USH2A: variants seen among roughly 807,000 people sequenced by gnomAD.
The protein encoded by USH2A is usherin, also known as Usher syndrome 2A (autosomal recessive, mild).
In USH2A, 443 loss-of-function variants were observed where a neutral mutation model predicts 538.9. The ratio of observed to expected loss-of-function variants is 0.82; its 90% CI spans 0.76 to 0.89. The LOEUF (loss-of-function observed/expected upper bound fraction) is 0.89, where lower values mean the gene tolerates loss of function less well. Among genes scored for constraint, USH2A ranks in the 40% least tolerant of loss-of-function variants. The pLI is 0.00. For missense variants in USH2A, 6,633 were observed against 6,324.8 expected (o/e 1.05, Z -1.65); for synonymous variants, 2,413 against 2,273.5 (o/e 1.06, Z -1.75).
At chr1:216,149,753 T>C (rs1488133960) in intron 21 of USH2A, among the ~76,000 whole-genome samples, 1 of 152,144 alleles carries the variant, frequency 6.6e-6, no homozygotes, top group African/African-American at 2.4e-5. Flanking sequence ...ACAACCTAGC[T>C]GGACGATCAG....
intron 61 of USH2A, among the ~76,000 whole-genome samples, chr1:215,684,527 C>T (rs1240709186): frequency 6.6e-6 from 1 of 152,170 alleles, no homozygotes; most frequent in African/African-American, 2.4e-5. Context: ...CAGAGCTTTC[C>T]CTCTGGTCTT....
chr1:216,377,939 A>T (rs1343709987), intron 3 of USH2A, among the ~76,000 whole-genome samples: 1 of 151,206 alleles, frequency 6.6e-6, no homozygotes, highest in African/African-American at 2.4e-5. Flanking sequence ...AAAGAAAGAG[A>T]AGGAGAGAGG....
intron 20 of USH2A, among the ~76,000 whole-genome samples, chr1:216,187,345 C>T (rs2034629397): frequency 6.6e-6 from 1 of 151,756 alleles, no homozygotes; most frequent in African/African-American, 2.4e-5. Context: ...ATAGTAAGCC[C>T]TCAAGAGATG....
chr1:215,901,200 G>T, intron 38 of USH2A: 1 of 424,480 alleles, frequency 2.4e-6, no homozygotes, highest in East Asian at 5.1e-5. Flanking sequence ...AACATGGAGG[G>T]AATTTAGTGA....
chr1:216,259,911 GA>G (rs1470926099), intron 11 of USH2A, among the ~76,000 whole-genome samples: 19 of 151,494 alleles, frequency 1.3e-4, no homozygotes, highest in African/African-American at 4.1e-4. Flanking sequence ...TTTCAAAGAC[GA>G]AAAATGAAAT....
chr1:215,809,398 G>C (rs1162067102), intron 49 of USH2A, among the ~76,000 whole-genome samples: 1 of 151,522 alleles, frequency 6.6e-6, no homozygotes, highest in Non-Finnish European at 1.5e-5. Flanking sequence ...AGATATTTTA[G>C]CTATGTCTTT....
At chr1:215,972,761 A>G (rs1427791853) in intron 35 of USH2A, among the ~76,000 whole-genome samples, 1 of 151,848 alleles carries the variant, frequency 6.6e-6, no homozygotes, top group African/African-American at 2.4e-5. Flanking sequence ...CTTTTATTTT[A>G]CTCTCAGGTA....
At chr1:216,047,742 A>C (rs1485718668) in intron 31 of USH2A, among the ~76,000 whole-genome samples, 1 of 152,190 alleles carries the variant, frequency 6.6e-6, no homozygotes, top group Admixed American at 6.5e-5. Context: ...CCTAAAGATC[A>C]AGCGTTTAAA....
intron 32 of USH2A, among the ~76,000 whole-genome samples, chr1:216,037,809 T>TC (rs1277259648): frequency 6.7e-6 from 1 of 149,170 alleles, no homozygotes; most frequent in South Asian, 2.1e-4. Flanking sequence ...ACCCATTAGT[T>TC]TTTTTTTTTT....
chr1:216,125,863 C>A (rs954572552), intron 21 of USH2A, among the ~76,000 whole-genome samples: 1 of 152,146 alleles, frequency 6.6e-6, no homozygotes, highest in East Asian at 1.9e-4. Context: ...TCCTTAATTC[C>A]TTAATTCAAT....
intron 32 of USH2A, among the ~76,000 whole-genome samples, chr1:216,026,248 C>T (rs1329239269): frequency 6.6e-6 from 1 of 152,068 alleles, no homozygotes; most frequent in Admixed American, 6.6e-5. Flanking sequence ...AAATATGCAC[C>T]AACCTTGTGG....
chr1:216,014,972 TC>T (rs1363525246), intron 32 of USH2A, among the ~76,000 whole-genome samples: 1 of 152,222 alleles, frequency 6.6e-6, no homozygotes, highest in Non-Finnish European at 1.5e-5. Context: ...GTTTCTACCA[TC>T]AGAAAATTAC....
intron 38 of USH2A, among the ~76,000 whole-genome samples, chr1:215,916,648 A>G (rs921630537): frequency 7.2e-5 from 11 of 152,264 alleles, no homozygotes; most frequent in African/African-American, 2.4e-4. Flanking sequence ...TCCCATGTTC[A>G]CTAAGAATGC....
chr1:215,708,979 T>G (rs1659261539), intron 61 of USH2A, among the ~76,000 whole-genome samples: 2 of 152,174 alleles, frequency 1.3e-5, no homozygotes, highest in Admixed American at 1.3e-4. Context: ...AAATTTATGA[T>G]TCAAATATAA....
At chr1:215,953,021 C>A (rs909322430) in intron 37 of USH2A, among the ~76,000 whole-genome samples, 47 of 152,156 alleles carry the variant, frequency 3.1e-4, no homozygotes, top group African/African-American at 1.1e-3. Flanking sequence ...CGTGAAGGAC[C>A]TCTTCAAGGA....
rs766147699 is a variant in USH2A, at chr1:216,246,572, A to T, written c.2809+13T>A. On this transcript the variant is annotated intron_variant, in intron 13 of 71. Coordinates refer to ENST00000307340, the MANE Select transcript of USH2A (RefSeq NM_206933.4). ...TCATTGTGCACTGAAAATGTAATAC[A>T]TTTCTTTCTTACCTGGTTGACACTG... The T allele has an allele frequency of 1.9e-6, 3 of 1,613,964 alleles. No homozygotes were observed. In the Admixed American group the frequency reaches 5.0e-5, roughly 27 times the overall value.
chr1:216,416,352 C>A (rs1048357798), intron 3 of USH2A, among the ~76,000 whole-genome samples: 2 of 151,992 alleles, frequency 1.3e-5, no homozygotes, highest in Non-Finnish European at 2.9e-5. Flanking sequence ...TTAATAAGTG[C>A]TAGATGATTA....
At chr1:216,003,777 C>G (rs1480624755) in intron 32 of USH2A, among the ~76,000 whole-genome samples, 5 of 152,114 alleles carry the variant, frequency 3.3e-5, no homozygotes, top group Non-Finnish European at 5.9e-5. Flanking sequence ...TAGGAAGACA[C>G]TAAGGATTTT....
At chr1:216,398,285 G>C (rs902235476) in intron 3 of USH2A, among the ~76,000 whole-genome samples, 12 of 151,998 alleles carry the variant, frequency 7.9e-5, no homozygotes, top group African/African-American at 2.9e-4. Flanking sequence ...TTGCGAAGTA[G>C]GTAGAAGAAA....
Sources: allele counts gnomAD v4.1 joint callset (sites outside exome capture counted in the v4.1 genomes callset), GRCh38; gene constraint gnomAD v4.1.1; transcripts MANE v1.5; gene names NCBI Gene and HGNC (gene_info 2026-07-23, HGNC 2026-07-21).